ZNF827: variants seen among roughly 807,000 people sequenced by gnomAD.
ZNF827 encodes the protein zinc finger protein 827.
In ZNF827, 13 loss-of-function variants were observed where a neutral mutation model predicts 102.4. The observed-to-expected ratio is 0.13, with a 90% CI of 0.08 to 0.20. ZNF827 has a LOEUF of 0.20. ZNF827 is among the 10% of genes least tolerant of loss of function. The pLI is 1.00. For missense variants in ZNF827, 1,103 were observed against 1,344.4 expected (o/e 0.82, Z 2.81); for synonymous variants, 523 against 536.2 (o/e 0.98, Z 0.34).
At chr4:145,817,927 T>A (rs7664186) in intron 8 of ZNF827, among the ~76,000 whole-genome samples, 2,891 of 152,204 alleles carry the variant, frequency 0.019, 85 homozygotes, top group African/African-American at 0.066. Context: ...AACCAGATGA[T>A]CCATTAAAAA....
intron 4 of ZNF827, among the ~76,000 whole-genome samples, chr4:145,880,596 ACT>A (rs932099674): frequency 3.3e-5 from 5 of 152,018 alleles, no homozygotes; most frequent in Admixed American, 6.6e-5. Context: ...AAAGAGTCAC[ACT>A]CTTCCTCTCT....
In ZNF827 at chr4:145,870,244, C is replaced by T; in HGVS notation, c.1981+1G>A. The T allele has an allele frequency of 6.2e-7, 1 of 1,613,432 alleles. No homozygotes were observed. Among genetic ancestry groups the T allele is most frequent in the Non-Finnish European group, 8.5e-7 (1 of 1,179,572 alleles). On this transcript the variant is annotated splice_donor_variant, in intron 5 of 14. Coordinates refer to ENST00000508784, the MANE Select transcript of ZNF827 (RefSeq NM_001306215.2). LOFTEE classifies it high-confidence loss of function. ...TGAATATTTTAGAATAAATCAAGTA[C>T]CTGAGAGTTTCATGAGAAGTTCAGA... is the stretch of plus-strand genomic sequence containing the variant.
intron 1 of ZNF827, among the ~76,000 whole-genome samples, chr4:145,931,673 CTGTT>C (rs1397464900): frequency 3.9e-5 from 6 of 152,206 alleles, no homozygotes; most frequent in South Asian, 2.1e-4. Context: ...CCAGCCTACT[CTGTT>C]TGTTTTTCCT....
chr4:145,938,608 T>G lies in ZNF827; in HGVS notation c.-201A>C. On this transcript the variant is annotated 5_prime_UTR_variant, in exon 1 of 15. Transcript: ENST00000508784. Reference sequence around the variant, plus strand: ...AGAAGAGGGGTTTTCTTCTTTTCTTTCCTTTCTTTTTTCCTTTTTTTTTTT... The same window carrying G: ...AGAAGAGGGGTTTTCTTCTTTTCTTGCCTTTCTTTTTTCCTTTTTTTTTTT... 5.6e-6 allele frequency: 3 copies of G among 539,402 alleles called. No individual in the cohort carries two copies. In the South Asian group the frequency reaches 7.5e-5, roughly 14 times the overall value. 33.4% of individuals were successfully genotyped at this position (539,402 alleles called of 1,614,324 possible). A position where few individuals can be genotyped will look rare whatever the true frequency, so the allele number is the denominator to read the frequency against.
rs750724740 is a variant in ZNF827 at position 145,885,768 on chromosome 4, G to A, written c.1657C>T (p.Pro553Ser). ...RPANHTKLKD[P>S]SEYVANSASA... ...GCACTGTTGGCCACATACTCGGAGG[G>A]GTCTTTCAGCTTTGTGTGGTTGGCG... The change falls in exon 4 of 15, where the codon CCC becomes TCC. Residue 553 changes from proline to serine, a missense_variant. Physicochemically the swap from Pro to Ser is moderately conservative, Grantham distance 74. This residue lies in a region of ZNF827 where 157 missense variants were observed against 211.7 expected (regional missense o/e 0.74). Transcript: ENST00000508784. 1.9e-6 allele frequency: 3 copies of A among 1,608,718 alleles called. No homozygotes were observed. The highest frequency in any genetic ancestry group is 2.2e-5 in the South Asian group (2 of 89,870).
intron 2 of ZNF827, among the ~76,000 whole-genome samples, chr4:145,898,478 A>G (rs1306790498): frequency 1.3e-5 from 2 of 152,226 alleles, no homozygotes; most frequent in Non-Finnish European, 2.9e-5. Context: ...GCCTTCTACA[A>G]GAAACTTTGT....
At position 145,902,395 on chromosome 4, in the gene ZNF827, C is replaced by G. The variant is rs773933370; in HGVS notation, c.864G>C (p.Ala288=). 6.2e-7 allele frequency: 1 copy of G among 1,613,878 alleles called. No homozygotes were observed. ...FLSLASMTSS[A]ALLKEVAARA... ...TTGCGGCCACCTCCTTCAGAAGGGC[C>G]GCTGAGGAGGTCATAGAAGCCAGGG... Residue 288 remains alanine (A), a synonymous_variant, in exon 2 of 15, where the codon GCG becomes GCC. Coordinates refer to ENST00000508784, the MANE Select transcript of ZNF827 (RefSeq NM_001306215.2). The surrounding 1 kb of genome is among the most constrained non-coding windows in gnomAD (Gnocchi z 4.3).
At chr4:145,817,448 C>T (rs1742699101) in intron 8 of ZNF827, among the ~76,000 whole-genome samples, 1 of 152,106 alleles carries the variant, frequency 6.6e-6, no homozygotes, top group Admixed American at 6.5e-5. Context: ...GGTTAGTTGA[C>T]TCACATCTCT....
At position 145,761,297 on chromosome 4, in the gene ZNF827, T is replaced by C; in HGVS notation, c.*319A>G. On this transcript the variant is annotated 3_prime_UTR_variant, in exon 15 of 15. Transcript: ENST00000508784. This position sits in a 1 kb window ranked among gnomAD's most constrained non-coding sequence, Gnocchi z 6.8. ...TGGCGTGGGGCGTGCTTCAGCTTCT[T>C]GTGCAGGTTGAGATTGTCCTTGCGC... 7.8e-7 allele frequency: 1 copy of C among 1,289,912 alleles called. No individual in the cohort carries two copies. Among genetic ancestry groups the C allele is most frequent in the Non-Finnish European group, 1.0e-6 (1 of 988,884 alleles). The allele number at this position is 1,289,912 out of a possible 1,614,324, so 79.9% of individuals were successfully genotyped here. A position where few individuals can be genotyped will look rare whatever the true frequency, so the allele number is the denominator to read the frequency against.
intron 4 of ZNF827, among the ~76,000 whole-genome samples, chr4:145,879,015 A>G (rs138422020): frequency 6.6e-6 from 1 of 152,160 alleles, no homozygotes; most frequent in Non-Finnish European, 1.5e-5. Flanking sequence ...AAATTTAACT[A>G]GATTAGTGAC....
At chr4:145,840,589 T>C (rs913743532) in intron 7 of ZNF827, among the ~76,000 whole-genome samples, 5 of 152,250 alleles carry the variant, frequency 3.3e-5, no homozygotes, top group African/African-American at 9.6e-5. Flanking sequence ...CCTCCTTAGA[T>C]ATCAATTTCA....
chr4:145,825,216 G>A (rs1214453720), intron 7 of ZNF827, among the ~76,000 whole-genome samples: 3 of 152,216 alleles, frequency 2.0e-5, no homozygotes, highest in Admixed American at 6.5e-5. Context: ...ATGGACAGTA[G>A]GGTCATTAGG....
chr4:145,778,468 G>T (rs945873245), intron 9 of ZNF827, among the ~76,000 whole-genome samples: 2 of 152,038 alleles, frequency 1.3e-5, no homozygotes, highest in Non-Finnish European at 2.9e-5. Flanking sequence ...AGTTAGCTGG[G>T]CATAGTGGCA....
intron 8 of ZNF827, among the ~76,000 whole-genome samples, chr4:145,795,101 A>G (rs1740240611): frequency 6.6e-6 from 1 of 152,140 alleles, no homozygotes; most frequent in Admixed American, 6.5e-5. Context: ...GTGTCCTCAC[A>G]GGGTCACGCC....
At chr4:145,793,309 A>ATATAATATATAT (rs1560931005) in intron 8 of ZNF827, among the ~76,000 whole-genome samples, 3 of 464 alleles carry the variant, frequency 6.5e-3, no homozygotes, top group Non-Finnish European at 0.017. Context: ...TCTTATATAT[A>ATATAATATATAT]CTTATATATA....
At chr4:145,805,741 G>A (rs532969641) in intron 8 of ZNF827, among the ~76,000 whole-genome samples, 4 of 152,176 alleles carry the variant, frequency 2.6e-5, no homozygotes, top group South Asian at 2.1e-4. Flanking sequence ...CCTGGGGGCC[G>A]GCTCCCTCCC....
chr4:145,855,950 C>G (rs898404863), intron 5 of ZNF827, among the ~76,000 whole-genome samples: 1 of 152,064 alleles, frequency 6.6e-6, no homozygotes, highest in Admixed American at 6.5e-5. Context: ...CACTGTGTCT[C>G]CCCCTGTATC....
chr4:145,888,230 C>A (rs192622872), intron 3 of ZNF827, among the ~76,000 whole-genome samples: 144 of 152,310 alleles, frequency 9.5e-4, no homozygotes, highest in African/African-American at 3.2e-3. Context: ...CTATATATCA[C>A]ATTTGGCCTT....
chr4:145,904,528 A>G (rs548854125), intron 1 of ZNF827, among the ~76,000 whole-genome samples: 9 of 152,224 alleles, frequency 5.9e-5, no homozygotes, highest in Non-Finnish European at 1.2e-4. Context: ...AGGAAGTGAG[A>G]AACTGACCAT....
Sources: allele counts gnomAD v4.1 joint callset (sites outside exome capture counted in the v4.1 genomes callset), GRCh38; gene constraint gnomAD v4.1.1; regional missense constraint gnomAD v4.1.1; non-coding constraint Gnocchi (gnomAD v3.1); transcripts MANE v1.5; gene names NCBI Gene and HGNC (gene_info 2026-07-23, HGNC 2026-07-21).